RASAL2: variants seen among roughly 807,000 people sequenced by gnomAD.
The protein encoded by RASAL2 is ras GTPase-activating protein nGAP.
Under a neutral mutation model 128.9 loss-of-function variants are expected in RASAL2, and 58 were observed. The ratio of observed to expected loss-of-function variants is 0.45; its 90% CI spans 0.36 to 0.56. The LOEUF is 0.56. Ranked by LOEUF, RASAL2 falls within the 20% of genes least tolerant of loss-of-function variation. RASAL2 has a pLI of 0.00. For missense variants in RASAL2, 1,360 were observed against 1,601.6 expected (o/e 0.85, Z 2.57); for synonymous variants, 561 against 580.8 (o/e 0.97, Z 0.49).
intron 1 of RASAL2, among the ~76,000 whole-genome samples, chr1:178,208,576 C>G (rs1663140643): frequency 6.6e-6 from 1 of 152,200 alleles, no homozygotes; most frequent in Admixed American, 6.5e-5. Flanking sequence ...ACATGCACTG[C>G]TGAACATAGA....
intron 3 of RASAL2, among the ~76,000 whole-genome samples, chr1:178,321,530 G>A (rs772654101): frequency 2.0e-5 from 3 of 150,436 alleles, no homozygotes; most frequent in Admixed American, 6.6e-5. Flanking sequence ...TTTTTAGCTG[G>A]TGTCTCGCTT....
intron 14 of RASAL2, among the ~76,000 whole-genome samples, chr1:178,460,425 A>G (rs1260370694): frequency 6.6e-6 from 1 of 151,958 alleles, no homozygotes; most frequent in African/African-American, 2.4e-5. Flanking sequence ...ACCAGTTGTC[A>G]TTTATAACAT....
Position 178,464,431 on chromosome 1 carries a change from C to T in RASAL2, c.3387+19C>T. 1.2e-6 allele frequency: 2 copies of T among 1,608,630 alleles called. No homozygotes were observed. Among genetic ancestry groups the T allele is most frequent in the Non-Finnish European group, 1.7e-6 (2 of 1,177,644 alleles). Reference sequence around the variant, plus strand: ...TGAGAAGGTAGAACCTAGTCTGCTTCATCAACTTTCTGATCCCAAAATGAC... The same window carrying T: ...TGAGAAGGTAGAACCTAGTCTGCTTTATCAACTTTCTGATCCCAAAATGAC... On this transcript the variant is annotated intron_variant, in intron 15 of 17. Transcript: ENST00000367649.
At position 178,454,434 on chromosome 1, in the gene RASAL2, T is replaced by C; in HGVS notation, c.2010-13T>C. On this transcript the variant is annotated splice_polypyrimidine_tract_variant and intron_variant, in intron 11 of 17. Coordinates refer to ENST00000367649, the MANE Select transcript of RASAL2 (RefSeq NM_170692.4). The stretch of plus-strand genomic sequence containing the variant: ...GAATATGTTCTTTCTCATTTTCTCA[T>C]CCTCTACTTCAGGTTTGGTAACAAA... The C allele has an allele frequency of 2.5e-6, 4 of 1,577,276 alleles. No homozygotes were observed. The highest frequency in any genetic ancestry group is 1.8e-4 in the Middle Eastern group (1 of 5,622).
chr1:178,149,114 T>C (rs1283949289), intron 1 of RASAL2, among the ~76,000 whole-genome samples: 1 of 152,162 alleles, frequency 6.6e-6, no homozygotes, highest in Admixed American at 6.5e-5. Context: ...CTTGTTGAGT[T>C]AGATTATTCT....
chr1:178,398,675 T>A (rs59452966), intron 4 of RASAL2, among the ~76,000 whole-genome samples: 2,898 of 152,312 alleles, frequency 0.019, 78 homozygotes, highest in African/African-American at 0.063. Flanking sequence ...TCCCCCAAAC[T>A]GTATTCACTT....
chr1:178,464,567 G>GGTGTGTGTGT (rs58822651), intron 15 of RASAL2, among the ~76,000 whole-genome samples, 155 bp downstream of exon 15: 3,737 of 145,054 alleles, frequency 0.026, 116 homozygotes, highest in African/African-American at 0.066. Context: ...ATAGGTCAGT[G>GGTGTGTGTGT]GTGTGTGTGT....
At chr1:178,165,562 A>T (rs1358837337) in intron 1 of RASAL2, among the ~76,000 whole-genome samples, 1 of 152,134 alleles carries the variant, frequency 6.6e-6, no homozygotes. Context: ...TCCCCTAAGG[A>T]TGCTAAGGGA....
intron 1 of RASAL2, among the ~76,000 whole-genome samples, chr1:178,263,732 A>G (rs1409334252): frequency 6.6e-6 from 1 of 152,186 alleles, no homozygotes; most frequent in African/African-American, 2.4e-5. Context: ...GTTTAAAAAA[A>G]AAAATTGAGA....
At chr1:178,368,636 CTT>C (rs34791324) in intron 3 of RASAL2, among the ~76,000 whole-genome samples, 5 of 146,310 alleles carry the variant, frequency 3.4e-5, no homozygotes, top group African/African-American at 1.2e-4. Flanking sequence ...TTCTTTCTTT[CTT>C]TTTTTTTTTT....
chr1:178,216,653 T>A (rs1378608620), intron 1 of RASAL2, among the ~76,000 whole-genome samples: 3 of 152,356 alleles, frequency 2.0e-5, no homozygotes, highest in Non-Finnish European at 4.4e-5. Flanking sequence ...TTTGTTTGTG[T>A]GTTTAAGACG....
intron 1 of RASAL2, among the ~76,000 whole-genome samples, chr1:178,246,892 C>T (rs756009811): frequency 1.3e-5 from 2 of 152,076 alleles, no homozygotes; most frequent in Non-Finnish European, 2.9e-5. Flanking sequence ...TATGTTGAAC[C>T]AGCCTCTCAT....
At chr1:178,398,732 T>G (rs1306126845) in intron 4 of RASAL2, among the ~76,000 whole-genome samples, 3 of 152,220 alleles carry the variant, frequency 2.0e-5, no homozygotes, top group Admixed American at 1.3e-4. Flanking sequence ...TTTGTAGTGC[T>G]GCACATTTCT....
intron 1 of RASAL2, among the ~76,000 whole-genome samples, chr1:178,141,534 G>T (rs111878898): frequency 8.5e-5 from 13 of 152,186 alleles, no homozygotes; most frequent in African/African-American, 3.1e-4. Flanking sequence ...AATCCAGCTA[G>T]TCCTGTCTCT....
intron 5 of RASAL2, among the ~76,000 whole-genome samples, chr1:178,434,001 G>A (rs1676095538): frequency 6.6e-6 from 1 of 151,782 alleles, no homozygotes; most frequent in Non-Finnish European, 1.5e-5. Flanking sequence ...TGGCAATTAT[G>A]AGACTAAAAG....
At chr1:178,198,870 T>G (rs1331318260) in intron 1 of RASAL2, among the ~76,000 whole-genome samples, 1 of 152,162 alleles carries the variant, frequency 6.6e-6, no homozygotes, top group African/African-American at 2.4e-5. Flanking sequence ...CAGGAACGTT[T>G]AAGTCTGCAG....
At chr1:178,341,844 A>G (rs1669898763) in intron 3 of RASAL2, among the ~76,000 whole-genome samples, 1 of 152,210 alleles carries the variant, frequency 6.6e-6, no homozygotes, top group Non-Finnish European at 1.5e-5. Flanking sequence ...AGATAAATTA[A>G]AAGAATAATG....
chr1:178,291,118 G>C (rs978232222), intron 2 of RASAL2, among the ~76,000 whole-genome samples: 1 of 152,124 alleles, frequency 6.6e-6, no homozygotes, highest in Non-Finnish European at 1.5e-5. Context: ...GGACAAATAA[G>C]GGCTCATGAG....
chr1:178,358,125 A>G (rs970274208), intron 3 of RASAL2, among the ~76,000 whole-genome samples: 10 of 151,232 alleles, frequency 6.6e-5, no homozygotes, highest in African/African-American at 2.4e-4. Context: ...AATTCCAGCT[A>G]CTCAGGAGAC....
Sources: gnomAD v4.1 joint callset for allele counts (sites outside exome capture counted in the v4.1 genomes callset) on GRCh38, gnomAD v4.1.1 for gene constraint, MANE v1.5 for transcripts, NCBI Gene and HGNC (gene_info 2026-07-23, HGNC 2026-07-21) for gene names.